POR: variants seen among roughly 807,000 people sequenced by gnomAD.
The protein encoded by POR is cytochrome p450 oxidoreductase.
In POR, 56 loss-of-function variants were observed where a neutral mutation model predicts 84.0. The observed-to-expected ratio is 0.67, with a 90% CI of 0.54 to 0.83. The LOEUF (loss-of-function observed/expected upper bound fraction) is 0.83, where lower values mean the gene tolerates loss of function less well. POR is among the 40% of genes least tolerant of loss of function. The pLI is 0.00. For synonymous variants in POR, 414 were observed against 400.5 expected, an observed-to-expected ratio of 1.03 and a Z score of -0.40; for missense variants, 938 against 944.3, an observed-to-expected ratio of 0.99 and a Z score of 0.09.
chr7:75,967,168 T>C (rs1322157508), intron 2 of POR, among the ~76,000 whole-genome samples: 2 of 152,186 alleles, frequency 1.3e-5, no homozygotes, highest in Non-Finnish European at 2.9e-5. Context: ...AGAGACAGGC[T>C]GTTTCGCCAT....
intron 2 of POR, among the ~76,000 whole-genome samples, chr7:75,965,677 C>T (rs1258842746): frequency 6.6e-6 from 1 of 152,204 alleles, no homozygotes; most frequent in African/African-American, 2.4e-5. Flanking sequence ...CTGGCCACCC[C>T]CTGGCTCAGG....
At chr7:75,941,839 G>A (rs145569325) in intron 1 of POR, among the ~76,000 whole-genome samples, 1 of 151,990 alleles carries the variant, frequency 6.6e-6, no homozygotes, top group Non-Finnish European at 1.5e-5. Flanking sequence ...ATTTTTAAAA[G>A]AAATTCGAGT....
intron 2 of POR, among the ~76,000 whole-genome samples, chr7:75,972,069 A>G (rs1377968115): frequency 6.6e-6 from 1 of 152,056 alleles, no homozygotes; most frequent in African/African-American, 2.4e-5. Context: ...GTGGGGAGGA[A>G]GAGGGAAGTG....
chr7:75,953,755 A>G (rs1787554809), intron 1 of POR, among the ~76,000 whole-genome samples: 1 of 152,074 alleles, frequency 6.6e-6, no homozygotes, highest in Non-Finnish European at 1.5e-5. Flanking sequence ...GCACCCCAGG[A>G]CCACCCTGGG....
exon 16 of POR, chr7:75,986,853 G>GTATT: frequency 1.7e-6 from 1 of 575,962 alleles, no homozygotes; most frequent in Non-Finnish European, 3.1e-6. Context: ...TCTGTTTTCT[G>GTATT]TATTTGCCTG....
chr7:75,959,230 G>A (rs1443632029), intron 2 of POR, among the ~76,000 whole-genome samples: 5 of 152,128 alleles, frequency 3.3e-5, no homozygotes, highest in African/African-American at 1.2e-4. Context: ...AGAAAACTGA[G>A]GCTCAGAAAG....
At chr7:75,947,077 C>G (rs941417651) in intron 1 of POR, 5 of 152,202 alleles carry the variant, frequency 3.3e-5, no homozygotes, top group Non-Finnish European at 5.9e-5. Flanking sequence ...TTGCTGCATT[C>G]CTTCTTAGGA....
chr7:75,964,387 C>A (rs536407088), intron 2 of POR, among the ~76,000 whole-genome samples: 2 of 151,840 alleles, frequency 1.3e-5, no homozygotes, highest in Non-Finnish European at 2.9e-5. Context: ...GGCTCACTGC[C>A]ACCTCCGCCT....
Position 75,984,842 on chromosome 7 carries a change from C to T in POR, c.1132C>T (p.Leu378=), listed in dbSNP as rs1563433978. 2.5e-6 allele frequency: 4 copies of T among 1,612,548 alleles called. No homozygotes were observed. The highest frequency in any genetic ancestry group is 1.6e-4 in the Middle Eastern group (1 of 6,082). The change falls in exon 11 of 16, where the codon CTG becomes TTG. Residue 378 remains leucine, a synonymous_variant. Coordinates refer to ENST00000461988, the MANE Select transcript of POR (RefSeq NM_000941.3). ...CTACCGCACGGCCCTCACCTACTAC[C>T]TGGACATCACCAACCCGCCGCGTAC...
chr7:75,943,590 G>GC (rs1185953556), intron 1 of POR, among the ~76,000 whole-genome samples: 1 of 152,038 alleles, frequency 6.6e-6, no homozygotes, highest in Non-Finnish European at 1.5e-5. Context: ...GCCTTTTTCT[G>GC]CCCCCCACAT....
At chr7:75,934,729 G>A (rs1807586081) in intron 1 of POR, among the ~76,000 whole-genome samples, 3 of 152,284 alleles carry the variant, frequency 2.0e-5, no homozygotes, top group African/African-American at 7.2e-5. Context: ...TGGCCATTCA[G>A]CTTCCAGCCT....
At chr7:75,933,384 T>TG (rs1393182203) in intron 1 of POR, among the ~76,000 whole-genome samples, 2,373 of 87,460 alleles carry the variant, frequency 0.027, 75 homozygotes, top group African/African-American at 0.22. Flanking sequence ...TTGTTTTTTT[T>TG]TTTTTTTTTT....
intron 1 of POR, among the ~76,000 whole-genome samples, chr7:75,935,464 C>G (rs918733803): frequency 1.4e-4 from 21 of 151,992 alleles, no homozygotes; most frequent in Non-Finnish European, 2.9e-5. Context: ...CCAGGTTGGT[C>G]TCGAATCCTG....
At chr7:75,973,970 G>A (rs1297373344) in intron 3 of POR, among the ~76,000 whole-genome samples, 6 of 151,566 alleles carry the variant, frequency 4.0e-5, no homozygotes, top group Non-Finnish European at 8.8e-5. Flanking sequence ...GAGCCACTGC[G>A]CCCGGCTGAC....
Position 75,985,810 on chromosome 7 carries a change from A to C in POR, c.1630A>C (p.Ile544Leu), listed in dbSNP as rs782659205. Residue 544 changes from isoleucine (I) to leucine (L), a missense_variant, in exon 13 of 16, where the codon ATA becomes CTA. Coordinates refer to ENST00000461988, the MANE Select transcript of POR (RefSeq NM_000941.3). ...CCCCGGCACCGGGGTGGCACCCTTCATAGGCTTCATCCAGGAGCGGGCCTG... is the reference window on the plus strand; with the variant it reads ...CCCCGGCACCGGGGTGGCACCCTTCCTAGGCTTCATCCAGGAGCGGGCCTG... 14 of 1,560,874 alleles carry C rather than the reference A, an allele frequency of 9.0e-6. No homozygotes were observed. In the Admixed American group the frequency reaches 1.7e-4, roughly 19 times the overall value.
rs72557938 is a variant in POR, at chr7:75,983,540, C to T, written c.851C>T (p.Pro284Leu). 73 of 1,612,802 alleles carry T rather than the reference C, an allele frequency of 4.5e-5. No homozygotes were observed. Among genetic ancestry groups the T allele is most frequent in the Middle Eastern group, 3.3e-4 (2 of 6,078 alleles). ...CCCAGCCCCTTTGATGCCAAGAATC[C>T]GTTCCTGGCTGCAGTCACCACCAAC... The change falls in exon 9 of 16, where the codon CCG becomes CTG. Residue 284 changes from proline (P) to leucine (L), a missense_variant. Coordinates refer to ENST00000461988, the MANE Select transcript of POR (RefSeq NM_000941.3).
chr7:75,977,537 A>G (rs1788751844), intron 3 of POR, among the ~76,000 whole-genome samples: 1 of 152,210 alleles, frequency 6.6e-6, no homozygotes, highest in Non-Finnish European at 1.5e-5. Flanking sequence ...GCACTTTGGG[A>G]GGCCAAGGTG....
chr7:75,985,677 CA>C lies in POR; in HGVS notation c.1499del (p.Lys500ArgfsTer45). The stretch of plus-strand genomic sequence containing the variant: ...GCGTGGCCACCAACTGGCTGCGGGC[CA>C]AGGAGCCTGCCGGGGAGAACGGCGG... On this transcript the variant is annotated frameshift_variant, in exon 13 of 16. Transcript: ENST00000461988. LOFTEE classifies it high-confidence loss of function. The C allele has an allele frequency of 6.3e-7, 1 of 1,594,552 alleles. No homozygotes were observed. Among genetic ancestry groups the C allele is most frequent in the Admixed American group, 1.7e-5 (1 of 57,444 alleles).
In POR at chr7:75,986,484, G is replaced by T. The variant is rs782691504; in HGVS notation, c.*3G>T. 3.7e-6 allele frequency: 6 copies of T among 1,606,690 alleles called. No homozygotes were observed. Among genetic ancestry groups the T allele is most frequent in the Non-Finnish European group, 5.1e-6 (6 of 1,179,202 alleles). ...ACTCCCTGGACGTGTGGAGCTAGGGGCCTGCCTGCCCCACCCACCCCACAG... is the reference window on the plus strand; with the variant it reads ...ACTCCCTGGACGTGTGGAGCTAGGGTCCTGCCTGCCCCACCCACCCCACAG... On this transcript the variant is annotated 3_prime_UTR_variant, in exon 16 of 16. Coordinates refer to ENST00000461988, the MANE Select transcript of POR (RefSeq NM_000941.3).
Sources: allele counts gnomAD v4.1 joint callset (sites outside exome capture counted in the v4.1 genomes callset), GRCh38; gene constraint gnomAD v4.1.1; transcripts MANE v1.5; gene names NCBI Gene and HGNC (gene_info 2026-07-23, HGNC 2026-07-21).